The following DPP6 variants were observed in gnomAD, a reference collection of about 807,000 sequenced individuals.
The protein encoded by DPP6 is A-type potassium channel modulatory protein DPP6.
DPP6 carries 69 observed loss-of-function variants against 122.6 expected under a neutral mutation model. That is an observed-to-expected ratio of 0.56 (90% CI 0.46 to 0.69). The LOEUF (loss-of-function observed/expected upper bound fraction) is 0.69. Among genes scored for constraint, DPP6 ranks in the 30% least tolerant of loss-of-function variants. The pLI, the probability that DPP6 is intolerant of heterozygous loss-of-function variation, is 0.00. For missense variants in DPP6, 928 were observed against 1,116.9 expected (o/e 0.83, Z 2.41); for synonymous variants, 418 against 433.1 (o/e 0.97, Z 0.43).
In DPP6 at chr7:154,061,520, G is replaced by A. The variant is rs866289454; in HGVS notation, c.243+8457G>A. Among the ~76,000 whole-genome samples, 338 of 146,888 alleles carry A rather than the reference G, an allele frequency of 2.3e-3. 2 individuals carry two copies. Among genetic ancestry groups the A allele is most frequent in the African/African-American group, 7.8e-3 (310 of 39,972 alleles). ...CCCTGCTAGTACAAGAAGCAAATAA[G>A]CTGATTCTTGGGCAAAACCTGAACA... On this transcript the variant is annotated intron_variant, in intron 1 of 25. Transcript: ENST00000377770.
At chr7:154,401,400 C>T (rs1464250708) in intron 1 of DPP6, among the ~76,000 whole-genome samples, 1 of 150,974 alleles carries the variant, frequency 6.6e-6, no homozygotes, top group Non-Finnish European at 1.5e-5. Flanking sequence ...CAGTACAACC[C>T]CAAATTATTG....
At chr7:154,088,183 C>T (rs951087720) in intron 1 of DPP6, among the ~76,000 whole-genome samples, 6 of 152,200 alleles carry the variant, frequency 3.9e-5, no homozygotes, top group Admixed American at 2.0e-4. Flanking sequence ...CTAGCAGAGT[C>T]CTTGACTATC....
At chr7:153,765,142 T>C in the DPP6 span, among the ~76,000 whole-genome samples, 1 of 151,792 alleles carries the variant, frequency 6.6e-6, no homozygotes, top group Non-Finnish European at 1.5e-5. Context: ...TTATTGTAAA[T>C]GTGCGCTAAC....
At chr7:154,081,404 G>T (rs1324842809) in intron 1 of DPP6, among the ~76,000 whole-genome samples, 2 of 133,556 alleles carry the variant, frequency 1.5e-5, no homozygotes, top group East Asian at 2.1e-4. Context: ...TCCTATTAGC[G>T]TACTTTTGAG....
chr7:154,676,875 C>A lies in DPP6; in HGVS notation c.762+7434C>A, dbSNP rs1427978172. 2.0e-5 allele frequency among the ~76,000 whole-genome samples: 3 copies of A among 152,202 alleles called. No individual in the cohort carries two copies. The East Asian group carries it at 5.8e-4, about 29-fold the overall frequency. On this transcript the variant is annotated intron_variant, in intron 7 of 25. Coordinates refer to ENST00000377770, the MANE Select transcript of DPP6 (RefSeq NM_130797.4). ...GACACTTTTGCAACATGGCTTACAT[C>A]TCTGTGAGAACTTGGTTTGCGGCTT...
At chr7:153,981,773 A>G (rs1386388205) in intron 1 of DPP6, among the ~76,000 whole-genome samples, 3 of 152,116 alleles carry the variant, frequency 2.0e-5, no homozygotes, top group South Asian at 4.1e-4. Context: ...GCTTGTCTGT[A>G]AAGGATTTTA....
At chr7:154,234,489 C>T (rs1206167355) in intron 1 of DPP6, among the ~76,000 whole-genome samples, 2 of 152,270 alleles carry the variant, frequency 1.3e-5, no homozygotes, top group East Asian at 3.9e-4. Context: ...CAGGCATTTT[C>T]TCCGTAGACT....
chr7:153,859,374 G>A, the DPP6 span, among the ~76,000 whole-genome samples: 3 of 152,200 alleles, frequency 2.0e-5, no homozygotes, highest in African/African-American at 7.2e-5. Context: ...CATACAAAGA[G>A]GACAATGTAA....
intron 3 of DPP6, among the ~76,000 whole-genome samples, chr7:154,525,652 G>A (rs1034061745): frequency 5.3e-5 from 8 of 152,164 alleles, no homozygotes; most frequent in African/African-American, 1.9e-4. Flanking sequence ...GTCAGAGAAC[G>A]TGGCTAACAC....
In DPP6 at chr7:154,869,828, C is replaced by T. The variant is rs867607393; in HGVS notation, c.1813+1735C>T. Among the ~76,000 whole-genome samples, 23 of 150,598 alleles carry T rather than the reference C, an allele frequency of 1.5e-4. 1 individual carries two copies. The South Asian group carries it at 2.3e-3, about 15-fold the overall frequency. On this transcript the variant is annotated intron_variant, in intron 18 of 25. Transcript: ENST00000377770. ...CTGGAATTTTGATGCACTTCAGATC[C>T]GCTCCCGCCCCCACCCCCACCCCCA...
chr7:154,392,165 C>T (rs1291123317), intron 1 of DPP6, among the ~76,000 whole-genome samples: 3 of 151,956 alleles, frequency 2.0e-5, no homozygotes, highest in African/African-American at 4.8e-5. Context: ...TTCAGCTACT[C>T]GGAAGGCTGA....
chr7:154,800,792 C>CT (rs1798313685), intron 12 of DPP6, among the ~76,000 whole-genome samples: 1 of 152,154 alleles, frequency 6.6e-6, no homozygotes, highest in Non-Finnish European at 1.5e-5. Context: ...TGTTTATTTT[C>CT]TTTTTTTCTT....
chr7:154,133,447 G>A (rs1795389102), intron 1 of DPP6, among the ~76,000 whole-genome samples: 1 of 152,120 alleles, frequency 6.6e-6, no homozygotes, highest in African/African-American at 2.4e-5. Context: ...GTGGAAGATA[G>A]GCTGCCCATC....
rs530238006 is a variant in DPP6, at chr7:154,518,268, C to T, written c.458-22264C>T. On this transcript the variant is annotated intron_variant, in intron 3 of 25. Coordinates refer to ENST00000377770, the MANE Select transcript of DPP6 (RefSeq NM_130797.4). ...TTGTTTCTTAAATTAGAACCTTTGT[C>T]GATGGCATGCATGGAATATAATTGT... Among the ~76,000 whole-genome samples, 4 of 152,182 alleles carry T rather than the reference C, an allele frequency of 2.6e-5. No individual in the cohort carries two copies. In the South Asian group the frequency reaches 6.2e-4, roughly 24 times the overall value.
chr7:153,950,154 G>A (rs1802141765), intron 1 of DPP6, among the ~76,000 whole-genome samples: 1 of 152,210 alleles, frequency 6.6e-6, no homozygotes, highest in Non-Finnish European at 1.5e-5. Context: ...GAGCACCTCG[G>A]TTTACCTGGG....
chr7:154,303,646 G>A (rs570250532), intron 1 of DPP6, among the ~76,000 whole-genome samples: 2 of 152,282 alleles, frequency 1.3e-5, no homozygotes, highest in African/African-American at 4.8e-5. Flanking sequence ...AGGAGTCTAA[G>A]CCAGTGCAAC....
At chr7:154,697,000 T>C (rs1278482779) in intron 7 of DPP6, among the ~76,000 whole-genome samples, 1 of 152,176 alleles carries the variant, frequency 6.6e-6, no homozygotes, top group Admixed American at 6.5e-5. Flanking sequence ...TGACACCTGC[T>C]CTTGTGACTG....
intron 1 of DPP6, among the ~76,000 whole-genome samples, chr7:154,361,081 G>A (rs562464355): frequency 2.6e-5 from 4 of 152,058 alleles, no homozygotes; most frequent in African/African-American, 9.6e-5. Flanking sequence ...GTATAGTAAG[G>A]TGCTGGATTC....
chr7:154,332,196 T>C (rs1487294714), intron 1 of DPP6, among the ~76,000 whole-genome samples: 1 of 151,948 alleles, frequency 6.6e-6, no homozygotes, highest in Admixed American at 6.6e-5. Flanking sequence ...CTCAGCTTCC[T>C]GAGTAGCTGG....
Sources: gnomAD v4.1 joint callset for allele counts (sites outside exome capture counted in the v4.1 genomes callset) on GRCh38, gnomAD v4.1.1 for gene constraint, MANE v1.5 for transcripts, NCBI Gene and HGNC (gene_info 2026-07-23, HGNC 2026-07-21) for gene names.